PALLD: variants seen among roughly 807,000 people sequenced by gnomAD.
The protein encoded by PALLD is palladin, cytoskeletal associated protein, also known as palladin.
In PALLD, 61 loss-of-function variants were observed where a neutral mutation model predicts 123.5. That is an observed-to-expected ratio of 0.49 (90% CI 0.40 to 0.61). PALLD has a LOEUF of 0.61. PALLD is among the 20% of genes least tolerant of loss of function. The probability of loss-of-function intolerance (pLI) is 0.00; values close to 1 mark genes in which losing one functional copy is unlikely to be tolerated. For synonymous variants in PALLD, 465 were observed against 496.4 expected (o/e 0.94, Z 0.84); for missense variants, 1,273 against 1,377.0 (o/e 0.92, Z 1.20).
chr4:168,678,599 C>T (rs985179298), intron 3 of PALLD, among the ~76,000 whole-genome samples: 2 of 152,044 alleles, frequency 1.3e-5, no homozygotes, highest in Non-Finnish European at 2.9e-5. Flanking sequence ...AGAGAGAGTC[C>T]CCACTTTCTC....
At chr4:168,604,619 A>G (rs1162280035) in intron 2 of PALLD, among the ~76,000 whole-genome samples, 4 of 152,250 alleles carry the variant, frequency 2.6e-5, no homozygotes, top group African/African-American at 7.2e-5. Flanking sequence ...TTATGTTGCA[A>G]TATGAATATT....
At chr4:168,901,942 T>C (rs1756617400) in intron 14 of PALLD, among the ~76,000 whole-genome samples, 1 of 152,224 alleles carries the variant, frequency 6.6e-6, no homozygotes, top group East Asian at 1.9e-4. Context: ...CTCAAAGTTA[T>C]TAGTCTAGTT....
At chr4:168,771,618 GC>G (rs1354476988) in intron 10 of PALLD, among the ~76,000 whole-genome samples, 40 of 152,104 alleles carry the variant, frequency 2.6e-4, no homozygotes, top group Non-Finnish European at 5.0e-4. Context: ...TGGTCCCCCT[GC>G]TGGAAGTGGA....
intron 2 of PALLD, among the ~76,000 whole-genome samples, chr4:168,516,843 C>G (rs954953818): frequency 4.6e-5 from 7 of 152,360 alleles, no homozygotes; most frequent in African/African-American, 1.7e-4. Flanking sequence ...TTTCCAGTAT[C>G]TTTCTCTATG....
At chr4:168,523,909 C>T (rs184000098) in intron 2 of PALLD, among the ~76,000 whole-genome samples, 221 of 152,286 alleles carry the variant, frequency 1.5e-3, no homozygotes, top group Admixed American at 6.0e-3. Context: ...GAGCTATTAA[C>T]ACTGAACCCT....
chr4:168,610,685 C>T (rs1171822299), intron 2 of PALLD, among the ~76,000 whole-genome samples: 2 of 150,642 alleles, frequency 1.3e-5, no homozygotes, highest in Non-Finnish European at 2.9e-5. Context: ...GGGGCCAGCA[C>T]TTTTACACAA....
At chr4:168,600,331 T>C (rs1772512924) in intron 2 of PALLD, among the ~76,000 whole-genome samples, 1 of 152,196 alleles carries the variant, frequency 6.6e-6, no homozygotes, top group Non-Finnish European at 1.5e-5. Flanking sequence ...GACTTCTACT[T>C]ATAAAAATTT....
At chr4:168,881,294 T>C (rs1408728698) in intron 10 of PALLD, among the ~76,000 whole-genome samples, 1 of 152,114 alleles carries the variant, frequency 6.6e-6, no homozygotes, top group Non-Finnish European at 1.5e-5. Context: ...GACAGGAAGG[T>C]TAGTAAGTAC....
At chr4:168,880,898 G>GT (rs1017377118) in intron 10 of PALLD, among the ~76,000 whole-genome samples, 2 of 151,944 alleles carry the variant, frequency 1.3e-5, no homozygotes, top group Non-Finnish European at 2.9e-5. Flanking sequence ...CAATATCTTA[G>GT]TTTTCTTTTC....
chr4:168,508,645 C>T (rs1287160640), intron 1 of PALLD, among the ~76,000 whole-genome samples: 1 of 152,030 alleles, frequency 6.6e-6, no homozygotes, highest in African/African-American at 2.4e-5. Context: ...TTCTTTCAGG[C>T]CATAATAAAT....
chr4:168,909,063 T>C (rs1330722721), intron 15 of PALLD, among the ~76,000 whole-genome samples: 1 of 152,176 alleles, frequency 6.6e-6, no homozygotes, highest in Non-Finnish European at 1.5e-5. Context: ...AGCAATCACA[T>C]AGTTTAGCAA....
intron 10 of PALLD, among the ~76,000 whole-genome samples, chr4:168,770,629 C>T (rs1297621979): frequency 6.6e-6 from 1 of 152,262 alleles, no homozygotes; most frequent in Non-Finnish European, 1.5e-5. Context: ...GTTCTACCCT[C>T]TCCAAAGTCA....
At chr4:168,757,684 G>T (rs1343014078) in intron 10 of PALLD, among the ~76,000 whole-genome samples, 1 of 152,240 alleles carries the variant, frequency 6.6e-6, no homozygotes, top group Non-Finnish European at 1.5e-5. Flanking sequence ...GGCTGCTGTA[G>T]CTGGGCGGCA....
intron 16 of PALLD, among the ~76,000 whole-genome samples, chr4:168,915,077 C>T (rs1224770361): frequency 6.6e-6 from 1 of 152,128 alleles, no homozygotes; most frequent in Non-Finnish European, 1.5e-5. Flanking sequence ...TCAGTGGGTC[C>T]TGGAAAGCTT....
At chr4:168,875,205 A>G (rs2151099852) in intron 10 of PALLD, among the ~76,000 whole-genome samples, 1 of 152,304 alleles carries the variant, frequency 6.6e-6, no homozygotes, top group South Asian at 2.1e-4. Flanking sequence ...GACAGCAGAA[A>G]AAAAAACGGA....
chr4:168,701,180 TA>T (rs1379240399), intron 8 of PALLD, among the ~76,000 whole-genome samples: 2 of 152,194 alleles, frequency 1.3e-5, no homozygotes, highest in Non-Finnish European at 2.9e-5. Flanking sequence ...TGGGGAAACA[TA>T]AGACTGAGTA....
intron 10 of PALLD, among the ~76,000 whole-genome samples, chr4:168,789,659 G>A (rs1344303323): frequency 2.0e-5 from 3 of 150,012 alleles, no homozygotes; most frequent in Admixed American, 6.6e-5. Context: ...AGCCGAGATC[G>A]TGCCACTGCA....
At chr4:168,577,504 AC>A (rs1357525974) in intron 2 of PALLD, among the ~76,000 whole-genome samples, 1 of 152,178 alleles carries the variant, frequency 6.6e-6, no homozygotes, top group Non-Finnish European at 1.5e-5. Context: ...CAGGATTGTA[AC>A]ATTTGTTAGC....
chr4:168,686,339 T>C (rs1022368027), intron 6 of PALLD, among the ~76,000 whole-genome samples: 2 of 152,174 alleles, frequency 1.3e-5, no homozygotes, highest in African/African-American at 2.4e-5. Flanking sequence ...AAGCCCTGCA[T>C]GCATTAGGTA....
Sources: gnomAD v4.1 joint callset for allele counts (sites outside exome capture counted in the v4.1 genomes callset) on GRCh38, gnomAD v4.1.1 for gene constraint, MANE v1.5 for transcripts, NCBI Gene and HGNC (gene_info 2026-07-23, HGNC 2026-07-21) for gene names.